PKP4: variants seen among roughly 807,000 people sequenced by gnomAD.
PKP4 encodes the protein plakophilin-4.
Under a neutral mutation model 145.1 loss-of-function variants are expected in PKP4, and 90 were observed. That is an observed-to-expected ratio of 0.62 (90% CI 0.52 to 0.74). The LOEUF (loss-of-function observed/expected upper bound fraction) is 0.74, where lower values mean the gene tolerates loss of function less well. PKP4 is among the 30% of genes least tolerant of loss of function. The pLI is 0.00. For synonymous variants in PKP4, 563 were observed against 577.2 expected (o/e 0.98, Z 0.35); for missense variants, 1,340 against 1,482.7 (o/e 0.90, Z 1.58).
At chr2:158,605,662 T>C (rs971836707) in intron 4 of PKP4, among the ~76,000 whole-genome samples, 3 of 152,216 alleles carry the variant, frequency 2.0e-5, no homozygotes, top group African/African-American at 2.4e-5. Context: ...TCATACTATA[T>C]AGTTTACCCA....
intron 2 of PKP4, among the ~76,000 whole-genome samples, chr2:158,552,704 A>G (rs952676317): frequency 1.3e-5 from 2 of 152,218 alleles, no homozygotes; most frequent in African/African-American, 4.8e-5. Context: ...TATTCCAATA[A>G]AGTGAGACAT....
At chr2:158,464,222 C>T (rs1690228365) in intron 1 of PKP4, among the ~76,000 whole-genome samples, 1 of 152,172 alleles carries the variant, frequency 6.6e-6, no homozygotes, top group Non-Finnish European at 1.5e-5. Flanking sequence ...CAGAGTTGCT[C>T]CTCTGAAAAC....
chr2:158,549,564 G>A (rs2045410660), intron 2 of PKP4, among the ~76,000 whole-genome samples: 1 of 152,054 alleles, frequency 6.6e-6, no homozygotes, highest in Admixed American at 6.6e-5. Context: ...GGGCTGCTGG[G>A]CCTGCAGGTG....
intron 11 of PKP4, among the ~76,000 whole-genome samples, chr2:158,643,601 A>C (rs1309170044): frequency 6.6e-6 from 1 of 151,760 alleles, no homozygotes; most frequent in Non-Finnish European, 1.5e-5. Context: ...GGTTCCAGGT[A>C]CTTGGGAGTC....
intron 7 of PKP4, among the ~76,000 whole-genome samples, chr2:158,626,592 A>G (rs776217063): frequency 1.3e-5 from 2 of 152,212 alleles, no homozygotes; most frequent in Admixed American, 6.5e-5. Flanking sequence ...ATTGCCTTCT[A>G]AGAAGGTTAC....
intron 2 of PKP4, among the ~76,000 whole-genome samples, chr2:158,535,231 G>C (rs151144038): frequency 2.0e-5 from 3 of 152,168 alleles, no homozygotes; most frequent in African/African-American, 7.2e-5. Flanking sequence ...CTACCCAATG[G>C]GATAGAGCAC....
At chr2:158,480,437 A>G (rs1467825913) in intron 1 of PKP4, among the ~76,000 whole-genome samples, 4 of 151,776 alleles carry the variant, frequency 2.6e-5, no homozygotes, top group Non-Finnish European at 5.9e-5. Flanking sequence ...AGGTTTCACC[A>G]TGTTCGCCAG....
At chr2:158,497,965 G>A (rs1050666136) in intron 1 of PKP4, among the ~76,000 whole-genome samples, 2 of 152,068 alleles carry the variant, frequency 1.3e-5, no homozygotes, top group Admixed American at 6.6e-5. Flanking sequence ...CTGGTGTTTC[G>A]TAAGTATGAG....
At chr2:158,614,637 AAACAT>A (rs2105877986) in intron 4 of PKP4, among the ~76,000 whole-genome samples, 1 of 152,334 alleles carries the variant, frequency 6.6e-6, no homozygotes, top group East Asian at 1.9e-4. Flanking sequence ...TTGCCCTAGC[AAACAT>A]AACATCTAAA....
intron 2 of PKP4, among the ~76,000 whole-genome samples, chr2:158,570,854 A>G (rs2047358872): frequency 1.3e-5 from 2 of 152,236 alleles, no homozygotes; most frequent in South Asian, 4.1e-4. Flanking sequence ...AATATAGGTC[A>G]GAGGAGAAAG....
chr2:158,485,313 C>T (rs1214661667), intron 1 of PKP4, among the ~76,000 whole-genome samples: 1 of 152,196 alleles, frequency 6.6e-6, no homozygotes, highest in Non-Finnish European at 1.5e-5. Flanking sequence ...ATTATTAGCC[C>T]TGTTTTACAG....
intron 16 of PKP4, among the ~76,000 whole-genome samples, chr2:158,667,809 A>C (rs578196437): frequency 3.9e-5 from 6 of 152,226 alleles, no homozygotes; most frequent in Non-Finnish European, 4.4e-5. Flanking sequence ...TAGATGTGCC[A>C]TATCTCTCAG....
chr2:158,649,044 C>T (rs925119228), intron 11 of PKP4, among the ~76,000 whole-genome samples: 1 of 152,140 alleles, frequency 6.6e-6, no homozygotes, highest in Non-Finnish European at 1.5e-5. Context: ...ATTCACTGAA[C>T]ATTTCAAACC....
chr2:158,508,749 T>C (rs1466440269), intron 1 of PKP4, among the ~76,000 whole-genome samples: 1 of 152,226 alleles, frequency 6.6e-6, no homozygotes, highest in Admixed American at 6.5e-5. Context: ...TACATTCTTC[T>C]GCGTAAACAG....
rs201152077 is a variant in PKP4, at chr2:158,634,163, C to T, written c.1436C>T (p.Ala479Val). The change falls in exon 9 of 22, where the codon GCG (alanine) becomes GTG (valine). Residue 479 changes from alanine to valine, a missense_variant. Transcript: ENST00000389759. ...NYALNTTATY[A>V]EPYRPIQYRV... ...GCTCTGAACACAACAGCTACCTACG[C>T]GGAGCCCTACAGGCCTATACAATAC... The T allele has an allele frequency of 1.6e-5, 26 of 1,613,880 alleles. No homozygotes were observed. Among genetic ancestry groups the T allele is most frequent in the East Asian group, 2.2e-5 (1 of 44,876 alleles).
intron 2 of PKP4, among the ~76,000 whole-genome samples, chr2:158,537,886 C>T (rs764330747): frequency 1.3e-5 from 2 of 151,914 alleles, no homozygotes; most frequent in Non-Finnish European, 2.9e-5. Context: ...AAAAATTGGC[C>T]AGGTGTGATG....
chr2:158,503,239 G>A (rs1236847073), intron 1 of PKP4, among the ~76,000 whole-genome samples: 1 of 152,212 alleles, frequency 6.6e-6, no homozygotes, highest in African/African-American at 2.4e-5. Context: ...TAGAAGATAT[G>A]TCAAAAGGAA....
intron 4 of PKP4, among the ~76,000 whole-genome samples, chr2:158,617,521 T>A (rs1558892890): frequency 6.6e-6 from 1 of 152,224 alleles, no homozygotes; most frequent in Non-Finnish European, 1.5e-5. Context: ...ATATACCTCT[T>A]CTCTAGTGAA....
At chr2:158,529,333 T>C (rs763154334) in intron 1 of PKP4, among the ~76,000 whole-genome samples, 8 of 152,220 alleles carry the variant, frequency 5.3e-5, no homozygotes, top group Non-Finnish European at 1.0e-4. Flanking sequence ...CCTGTCAACA[T>C]TGGATTTCTC....
Sources: allele counts gnomAD v4.1 joint callset (sites outside exome capture counted in the v4.1 genomes callset), GRCh38; gene constraint gnomAD v4.1.1; transcripts MANE v1.5; gene names NCBI Gene and HGNC (gene_info 2026-07-23, HGNC 2026-07-21).